Variants in UNC79 observed in about 807,000 individuals in gnomAD.
UNC79 encodes the protein protein unc-79 homolog.
A neutral mutation model predicts 283.1 loss-of-function variants in UNC79; 37 were observed. The observed-to-expected ratio is 0.13, with a 90% CI of 0.10 to 0.17. UNC79 has a LOEUF of 0.17. Ranked by LOEUF, UNC79 falls within the 10% of genes least tolerant of loss-of-function variation. The pLI, the probability that UNC79 is intolerant of heterozygous loss-of-function variation, is 1.00. For synonymous variants in UNC79, 1,107 were observed against 1,200.2 expected (o/e 0.92, Z 1.61); for missense variants, 2,272 against 3,211.1 (o/e 0.71, Z 7.07).
intron 39 of UNC79, among the ~76,000 whole-genome samples, chr14:93,659,489 C>A (rs981496262): frequency 1.3e-5 from 2 of 152,152 alleles, no homozygotes; most frequent in East Asian, 1.9e-4. Context: ...GCCATGCCCC[C>A]CAATCCATCC....
intron 39 of UNC79, among the ~76,000 whole-genome samples, chr14:93,660,533 ATATATATATATATATATAT>A (rs2071436837): frequency 1.2e-5 from 1 of 85,954 alleles, no homozygotes; most frequent in Non-Finnish European, 2.3e-5. Flanking sequence ...ATATATATAT[ATATATATATATATATATAT>A]ATATATATAT....
At chr14:93,506,703 T>C (rs1452583130) in intron 7 of UNC79, among the ~76,000 whole-genome samples, 2 of 152,224 alleles carry the variant, frequency 1.3e-5, no homozygotes, top group East Asian at 1.9e-4. Flanking sequence ...TGATGTATTT[T>C]GTCACTGGAA....
intron 30 of UNC79, among the ~76,000 whole-genome samples, chr14:93,624,745 T>A (rs1018809973): frequency 1.3e-5 from 2 of 152,192 alleles, no homozygotes; most frequent in African/African-American, 4.8e-5. Context: ...TCTGATCTGA[T>A]CTCTTCTGCC....
intron 7 of UNC79, among the ~76,000 whole-genome samples, chr14:93,510,791 GTCT>G (rs781186600): frequency 3.3e-5 from 5 of 152,088 alleles, no homozygotes; most frequent in African/African-American, 4.8e-5. Flanking sequence ...TCATTTTCCT[GTCT>G]TCTTCTGAGC....
At chr14:93,653,672 C>CT in intron 35 of UNC79, 70 bp from the exon 39 acceptor site, 4 of 1,404,424 alleles carry the variant, frequency 2.8e-6, no homozygotes, top group South Asian at 1.3e-5. Flanking sequence ...TGTCTGAACT[C>CT]TAAGTAAATA....
chr14:93,598,728 G>A (rs2065273366), intron 24 of UNC79, among the ~76,000 whole-genome samples: 1 of 152,010 alleles, frequency 6.6e-6, no homozygotes, highest in Non-Finnish European at 1.5e-5. Flanking sequence ...TGCTATGTTG[G>A]CCAGGCTGGT....
chr14:93,698,476 GTTTTTTTTTTTTTT>G (rs71129655), intron 47 of UNC79, among the ~76,000 whole-genome samples: 13,345 of 79,248 alleles, frequency 0.17, 1,118 homozygotes, highest in Middle Eastern at 0.3. Flanking sequence ...TTTAGTTTAG[GTTTTTTTTTTTTTT>G]TTTTTTTTTT....
chr14:93,656,870 T>C (rs1450212904), intron 38 of UNC79, among the ~76,000 whole-genome samples: 2 of 152,068 alleles, frequency 1.3e-5, no homozygotes, highest in African/African-American at 4.8e-5. Flanking sequence ...ATAAAGTGCA[T>C]TTCCCATAGA....
At chr14:93,549,097 A>G (rs1438096817) in intron 14 of UNC79, among the ~76,000 whole-genome samples, 1 of 152,266 alleles carries the variant, frequency 6.6e-6, no homozygotes, top group Non-Finnish European at 1.5e-5. Context: ...AGATAAACTT[A>G]TGATCAGCAA....
At chr14:93,515,899 T>C (rs1446444810) in intron 7 of UNC79, among the ~76,000 whole-genome samples, 1 of 150,160 alleles carries the variant, frequency 6.7e-6, no homozygotes, top group Admixed American at 6.6e-5. Context: ...TTTTTTTTTC[T>C]TTTGTGGTCC....
At chr14:93,641,095 C>A in intron 32 of UNC79, 50 bp from the exon 36 acceptor site, 2 of 1,514,756 alleles carry the variant, frequency 1.3e-6, no homozygotes, top group South Asian at 2.4e-5. Context: ...CTTTCTTGGC[C>A]CCTTGAAGCT....
chr14:93,572,002 G>A (rs767637009), exon 15 of UNC79: 4 of 1,614,204 alleles, frequency 2.5e-6, no homozygotes, highest in Non-Finnish European at 3.4e-6. Flanking sequence ...ATCTGTCTGG[G>A]AGTGTATTAT....
At chr14:93,347,910 C>G in intron 1 of UNC79, 1 of 602,516 alleles carries the variant, frequency 1.7e-6, no homozygotes. Context: ...CACTAGGCGC[C>G]TGTTTCTAGG....
intron 20 of UNC79, among the ~76,000 whole-genome samples, chr14:93,584,318 G>A (rs962278403): frequency 6.6e-6 from 1 of 152,014 alleles, no homozygotes; most frequent in Non-Finnish European, 1.5e-5. Flanking sequence ...ACGGAACATC[G>A]GAATCCCTGA....
chr14:93,414,785 A>G (rs1006494358), intron 1 of UNC79, among the ~76,000 whole-genome samples: 12 of 152,010 alleles, frequency 7.9e-5, no homozygotes, highest in Non-Finnish European at 1.5e-4. Flanking sequence ...ATTCTCTTTG[A>G]AGCAATTGTG....
chr14:93,683,502 G>A (rs780066653), intron 42 of UNC79, among the ~76,000 whole-genome samples: 2 of 152,174 alleles, frequency 1.3e-5, no homozygotes, highest in Non-Finnish European at 2.9e-5. Context: ...TGTGGGCCAA[G>A]GAAGAAGACA....
chr14:93,607,853 A>G (rs970449558), intron 26 of UNC79, among the ~76,000 whole-genome samples: 1 of 152,170 alleles, frequency 6.6e-6, no homozygotes, highest in Non-Finnish European at 1.5e-5. Context: ...AATTCCAAAT[A>G]GCTTTTCTTT....
intron 1 of UNC79, among the ~76,000 whole-genome samples, chr14:93,443,181 G>T (rs1047377583): frequency 6.6e-6 from 1 of 151,770 alleles, no homozygotes; most frequent in East Asian, 2.0e-4. Context: ...CTGAGATTGC[G>T]CCACTGCACT....
intron 48 of UNC79, 67 bp from the exon 52 acceptor site, chr14:93,706,637 C>A: frequency 6.3e-7 from 1 of 1,584,810 alleles, no homozygotes; most frequent in Non-Finnish European, 8.6e-7. Context: ...AGAAGCCGCC[C>A]GGGTCGACAC....
Sources: allele counts gnomAD v4.1 joint callset (sites outside exome capture counted in the v4.1 genomes callset), GRCh38; gene constraint gnomAD v4.1.1; transcripts MANE v1.5; gene names NCBI Gene and HGNC (gene_info 2026-07-23, HGNC 2026-07-21).